DPH5: variants seen among roughly 807,000 people sequenced by gnomAD.
DPH5 encodes the protein diphthamide biosynthesis 5, also known as diphthine methyl ester synthase.
DPH5 carries 31 observed loss-of-function variants against 31.6 expected under a neutral mutation model. The observed-to-expected ratio is 0.98, with a 90% CI of 0.74 to 1.32. The LOEUF (loss-of-function observed/expected upper bound fraction) is 1.32. DPH5 is among the 40% of genes most tolerant of loss of function. DPH5 has a pLI of 0.00. For missense variants in DPH5, 309 were observed against 335.7 expected (o/e 0.92, Z 0.62); for synonymous variants, 120 against 115.0 (o/e 1.04, Z -0.28).
In DPH5 at chr1:100,992,714, C is replaced by T. The variant is rs754557100; in HGVS notation, c.557G>A (p.Arg186Gln). The T allele has an allele frequency of 1.8e-5, 29 of 1,613,164 alleles. No individual in the cohort carries two copies. Among genetic ancestry groups the T allele is most frequent in the Admixed American group, 1.7e-5 (1 of 59,992 alleles). Residue 186 changes from arginine (R) to glutamine (Q), a missense_variant, in exon 7 of 8, where the codon CGG becomes CAG. By Grantham distance (43) the Arg-to-Gln change is conservative. Coordinates refer to ENST00000370109, the MANE Select transcript of DPH5 (RefSeq NM_015958.3). ...IKGRKIYEPPRYMSVNQAAQQ... is the reference protein window; with the variant it reads ...IKGRKIYEPPQYMSVNQAAQQ... ...GGCTGCTTGGTTTACACTCATATAC[C>T]GTGGAGGTTCATAGATCTTCCTTCC...
At chr1:101,009,778 T>C (rs1659498808) in intron 4 of DPH5, among the ~76,000 whole-genome samples, 1 of 152,228 alleles carries the variant, frequency 6.6e-6, no homozygotes, top group Admixed American at 6.5e-5. Context: ...ACTCCTAATG[T>C]TGAATGAGAG....
chr1:101,024,600 A>G (rs1404805786), intron 2 of DPH5, among the ~76,000 whole-genome samples: 1 of 152,212 alleles, frequency 6.6e-6, no homozygotes, highest in African/African-American at 2.4e-5. Flanking sequence ...CTCCCATAAC[A>G]TATGTATTAA....
chr1:101,001,854 T>C (rs1658890046), intron 4 of DPH5, among the ~76,000 whole-genome samples: 1 of 152,032 alleles, frequency 6.6e-6, no homozygotes, highest in South Asian at 2.1e-4. Flanking sequence ...AACAATTTCA[T>C]AATTTAGCTA....
intron 5 of DPH5, among the ~76,000 whole-genome samples, chr1:100,998,755 G>C (rs1305395891): frequency 6.6e-6 from 1 of 152,210 alleles, no homozygotes; most frequent in Non-Finnish European, 1.5e-5. Flanking sequence ...AAGAAATCAA[G>C]TTAATAAGGT....
At chr1:100,999,031 C>A (rs767554595) in intron 5 of DPH5, among the ~76,000 whole-genome samples, 10 of 152,172 alleles carry the variant, frequency 6.6e-5, no homozygotes, top group East Asian at 1.9e-4. Flanking sequence ...TCCAATAAAG[C>A]CTTATTTACA....
chr1:101,022,172 T>C (rs1214404517), intron 2 of DPH5, among the ~76,000 whole-genome samples: 1 of 152,128 alleles, frequency 6.6e-6, no homozygotes, highest in Non-Finnish European at 1.5e-5. Context: ...ACAAACATGG[T>C]GGTTTAGCTT....
chr1:101,007,194 T>C (rs1420573021), intron 4 of DPH5, among the ~76,000 whole-genome samples: 1 of 152,144 alleles, frequency 6.6e-6, no homozygotes, highest in Non-Finnish European at 1.5e-5. Flanking sequence ...GACTGAAATG[T>C]GCCAAAATTG....
rs568775677 is a variant in DPH5, at chr1:101,014,460, C to A, written c.261-642G>T. 6.6e-5 allele frequency among the ~76,000 whole-genome samples: 10 copies of A among 152,246 alleles called. No homozygotes were observed. In the South Asian group the frequency reaches 2.1e-3, roughly 32 times the overall value. On this transcript the variant is annotated intron_variant, in intron 3 of 7. Transcript: ENST00000370109. The stretch of plus-strand genomic sequence containing the variant: ...AACAGCATTATGTCGAGAAAATGTG[C>A]ATACCTTAGTTTAAAAACACTTTAT...
intron 7 of DPH5, 33 bp from the exon 8 acceptor site, chr1:100,990,664 C>A (rs745580293): frequency 1.3e-6 from 2 of 1,590,402 alleles, no homozygotes; most frequent in African/African-American, 1.3e-5. Flanking sequence ...CTATTCAATT[C>A]AGCAAATGCA....
Position 101,018,238 on chromosome 1 carries a change from A to AT in DPH5, c.260+3402dup, listed in dbSNP as rs34464496. 3.2e-3 allele frequency among the ~76,000 whole-genome samples: 440 copies of AT among 138,946 alleles called. 1 individual carries two copies. Among genetic ancestry groups the AT allele is most frequent in the South Asian group, 4.3e-3 (19 of 4,378 alleles). The allele number at this position is 138,946 out of a possible 152,430, so 91.2% of individuals were successfully genotyped here. ...GACCAATTTGAATATACAAAATTTG[A>AT]TTTTTTTTTTTTTTTTTTGAGACAG... On this transcript the variant is annotated intron_variant, in intron 3 of 7. Coordinates refer to ENST00000370109, the MANE Select transcript of DPH5 (RefSeq NM_015958.3).
chr1:100,998,915 T>C (rs1298377765), intron 5 of DPH5, among the ~76,000 whole-genome samples: 1 of 152,140 alleles, frequency 6.6e-6, no homozygotes, highest in African/African-American at 2.4e-5. Flanking sequence ...GCAGCAAATA[T>C]TTTAGGTTTT....
chr1:100,993,563 T>TAA (rs1205353002), intron 6 of DPH5, among the ~76,000 whole-genome samples: 12 of 65,182 alleles, frequency 1.8e-4, no homozygotes, highest in African/African-American at 5.5e-4. Context: ...AATATAAATA[T>TAA]ATATATATAT....
At chr1:101,002,558 CAG>C (rs955275999) in intron 4 of DPH5, among the ~76,000 whole-genome samples, 5 of 152,066 alleles carry the variant, frequency 3.3e-5, no homozygotes, top group African/African-American at 9.7e-5. Flanking sequence ...CAATATAAAA[CAG>C]AATACTAAAG....
intron 3 of DPH5, among the ~76,000 whole-genome samples, chr1:101,018,641 T>G (rs1660251013): frequency 6.6e-6 from 1 of 152,186 alleles, no homozygotes; most frequent in Non-Finnish European, 1.5e-5. Context: ...GCAAATGACG[T>G]TTTCATGAAC....
intron 1 of DPH5, 42 bp from the exon 2 acceptor site, chr1:101,025,508 G>C: frequency 6.3e-7 from 1 of 1,591,670 alleles, no homozygotes; most frequent in Non-Finnish European, 8.6e-7. Flanking sequence ...GTAACACCGA[G>C]GACATCTAAA....
Position 101,021,734 on chromosome 1 carries a change from GCAA to G in DPH5, c.164_166del (p.Val55del). On this transcript the variant is annotated inframe_deletion, in exon 3 of 8. Coordinates refer to ENST00000370109, the MANE Select transcript of DPH5 (RefSeq NM_015958.3). ...TTCTTGTTCCACTTCTTCTCTATCAGCAACAACCAATTTTCTTCCATAAAACTC... is the reference window on the plus strand; with the variant it reads ...TTCTTGTTCCACTTCTTCTCTATCAGCAACCAATTTTCTTCCATAAAACTC... 1 of 1,612,174 alleles carries G rather than the reference GCAA, an allele frequency of 6.2e-7. No homozygotes were observed. Among genetic ancestry groups the G allele is most frequent in the Non-Finnish European group, 8.5e-7 (1 of 1,179,208 alleles).
chr1:100,996,433 G>A (rs980270159), intron 5 of DPH5, among the ~76,000 whole-genome samples: 3 of 152,214 alleles, frequency 2.0e-5, no homozygotes, highest in East Asian at 3.9e-4. Context: ...GAGTGCATTC[G>A]TGACTTCGTC....
rs76138784 is a variant in DPH5, at chr1:101,021,201, G to C, written c.260+440C>G. Reference sequence around the variant, plus strand: ...ATGATAAATTCAAGGCAAGCAAAGTGACGGCAGTATTGCCAAATAGTAGAT... The same window carrying C: ...ATGATAAATTCAAGGCAAGCAAAGTCACGGCAGTATTGCCAAATAGTAGAT... On this transcript the variant is annotated intron_variant, in intron 3 of 7. Transcript: ENST00000370109. 9.1e-3 allele frequency among the ~76,000 whole-genome samples: 1,389 copies of C among 152,220 alleles called. 12 individuals are homozygous for C. The highest frequency in any genetic ancestry group is 0.045 in the East Asian group (235 of 5,182).
intron 7 of DPH5, among the ~76,000 whole-genome samples, chr1:100,992,021 C>T (rs1278043897): frequency 6.6e-6 from 1 of 151,694 alleles, no homozygotes; most frequent in Non-Finnish European, 1.5e-5. Context: ...TCACTTGAGC[C>T]CAGGAGGTGG....
Sources: gnomAD v4.1 joint callset for allele counts (sites outside exome capture counted in the v4.1 genomes callset) on GRCh38, gnomAD v4.1.1 for gene constraint, MANE v1.5 for transcripts, NCBI Gene and HGNC (gene_info 2026-07-23, HGNC 2026-07-21) for gene names.